The following BNC2 variants were observed in gnomAD, a reference collection of about 807,000 sequenced individuals.
The protein encoded by BNC2 is basonuclin zinc finger protein 2.
In BNC2, 20 loss-of-function variants were observed where a neutral mutation model predicts 76.3. The observed-to-expected ratio is 0.26, with a 90% CI of 0.18 to 0.38. BNC2 has a LOEUF of 0.38. Ranked by LOEUF, BNC2 falls within the 10% of genes least tolerant of loss-of-function variation. The pLI is 1.00. For synonymous variants in BNC2, 582 were observed against 514.8 expected (o/e 1.13, Z -1.77); for missense variants, 1,382 against 1,399.8 (o/e 0.99, Z 0.20).
intron 1 of BNC2, among the ~76,000 whole-genome samples, chr9:16,819,536 G>A (rs1440527313): frequency 6.6e-6 from 1 of 151,966 alleles, no homozygotes; most frequent in African/African-American, 2.4e-5. Flanking sequence ...GGTGGTGTGT[G>A]CCTGTAATTC....
At chr9:16,517,591 AC>A (rs1817478304) in intron 5 of BNC2, among the ~76,000 whole-genome samples, 1 of 152,316 alleles carries the variant, frequency 6.6e-6, no homozygotes, top group East Asian at 1.9e-4. Context: ...ACACAAGTGC[AC>A]ACAAACTTAA....
chr9:16,801,487 C>T (rs1817777303), intron 1 of BNC2, among the ~76,000 whole-genome samples: 2 of 151,750 alleles, frequency 1.3e-5, no homozygotes, highest in Admixed American at 6.6e-5. Context: ...CTACCCACCT[C>T]AGCCTCCCAA....
intron 5 of BNC2, among the ~76,000 whole-genome samples, chr9:16,518,380 G>C (rs944991613): frequency 1.9e-4 from 29 of 151,972 alleles, no homozygotes; most frequent in Admixed American, 1.1e-3. Context: ...GCTGTACTGA[G>C]TACTCCACTG....
chr9:16,543,728 A>G (rs1818392444), intron 5 of BNC2, among the ~76,000 whole-genome samples: 1 of 152,202 alleles, frequency 6.6e-6, no homozygotes, highest in South Asian at 2.1e-4. Context: ...GAGCTTTGGC[A>G]TGGGATTCAA....
chr9:16,767,472 AT>A (rs1199952852), intron 1 of BNC2, among the ~76,000 whole-genome samples: 1 of 151,962 alleles, frequency 6.6e-6, no homozygotes, highest in Non-Finnish European at 1.5e-5. Flanking sequence ...GCCAGGGAGG[AT>A]TTTTTTTGTA....
At chr9:16,454,388 A>G (rs938618119) in intron 5 of BNC2, among the ~76,000 whole-genome samples, 8 of 151,754 alleles carry the variant, frequency 5.3e-5, no homozygotes, top group Admixed American at 1.3e-4. Context: ...CTTCAGCCTG[A>G]CTCCTTGGCT....
chr9:16,457,142 T>G (rs1371876965), intron 5 of BNC2, among the ~76,000 whole-genome samples: 1 of 152,216 alleles, frequency 6.6e-6, no homozygotes, highest in Non-Finnish European at 1.5e-5. Context: ...CTGATTACAT[T>G]ATATTCCAAA....
At chr9:16,654,555 A>G (rs1327580727) in intron 3 of BNC2, among the ~76,000 whole-genome samples, 1 of 152,208 alleles carries the variant, frequency 6.6e-6, no homozygotes, top group Non-Finnish European at 1.5e-5. Flanking sequence ...TTATTTGAAC[A>G]GCCATTAAAC....
intron 1 of BNC2, among the ~76,000 whole-genome samples, chr9:16,776,180 C>T (rs1432979577): frequency 6.7e-6 from 1 of 148,474 alleles, no homozygotes; most frequent in Non-Finnish European, 1.5e-5. Context: ...GCTCTTGTCG[C>T]CCAGGCTGGA....
At chr9:16,855,074 AAT>A (rs1189556048) in intron 1 of BNC2, among the ~76,000 whole-genome samples, 2 of 152,028 alleles carry the variant, frequency 1.3e-5, no homozygotes, top group Admixed American at 1.3e-4. Flanking sequence ...TAATCATTTC[AAT>A]ATGAGTACAT....
chr9:16,804,266 T>C (rs928244520), intron 1 of BNC2, among the ~76,000 whole-genome samples: 10 of 152,344 alleles, frequency 6.6e-5, no homozygotes, highest in African/African-American at 2.2e-4. Flanking sequence ...CGGCTAACTG[T>C]TCTAAATATT....
At chr9:16,785,231 A>C (rs1826253785) in intron 1 of BNC2, among the ~76,000 whole-genome samples, 1 of 152,214 alleles carries the variant, frequency 6.6e-6, no homozygotes. Flanking sequence ...CAAGCCTTAA[A>C]GTATCCCACT....
intron 1 of BNC2, among the ~76,000 whole-genome samples, chr9:16,782,878 G>A (rs555230470): frequency 6.6e-6 from 1 of 152,282 alleles, no homozygotes; most frequent in South Asian, 2.1e-4. Context: ...ATGTATTAAT[G>A]AATGAGTGAG....
chr9:16,498,704 AC>A (rs1175450595), intron 5 of BNC2, among the ~76,000 whole-genome samples: 3 of 151,086 alleles, frequency 2.0e-5, no homozygotes, highest in Admixed American at 1.3e-4. Flanking sequence ...AAAAAAAAAG[AC>A]CCCCAAAAAA....
intron 1 of BNC2, among the ~76,000 whole-genome samples, chr9:16,766,986 C>T (rs1354680128): frequency 6.6e-6 from 1 of 152,208 alleles, no homozygotes; most frequent in East Asian, 1.9e-4. Flanking sequence ...TTTTTAAAGT[C>T]ACCATTAAGA....
At chr9:16,558,933 CAAAAAA>C (rs574756487) in intron 4 of BNC2, among the ~76,000 whole-genome samples, 1 of 81,212 alleles carries the variant, frequency 1.2e-5, no homozygotes, top group Non-Finnish European at 2.6e-5. Context: ...GACTCCGTCT[CAAAAAA>C]AAAAAAAAAA....
chr9:16,696,493 G>C (rs1290750230), intron 3 of BNC2, among the ~76,000 whole-genome samples: 2 of 151,914 alleles, frequency 1.3e-5, no homozygotes, highest in Non-Finnish European at 2.9e-5. Flanking sequence ...TGATACCTTT[G>C]GATGAAAGGG....
At chr9:16,701,800 G>A (rs1237291307) in intron 3 of BNC2, among the ~76,000 whole-genome samples, 1 of 151,968 alleles carries the variant, frequency 6.6e-6, no homozygotes, top group African/African-American at 2.4e-5. Context: ...AAATTAGCCA[G>A]GCGTGGTGGC....
chr9:16,706,920 A>T (rs1310736268), intron 3 of BNC2, among the ~76,000 whole-genome samples: 1 of 152,232 alleles, frequency 6.6e-6, no homozygotes, highest in Non-Finnish European at 1.5e-5. Flanking sequence ...TACAGCAAGA[A>T]GGCTGGGCGC....
Sources: allele counts gnomAD v4.1 joint callset (sites outside exome capture counted in the v4.1 genomes callset), GRCh38; gene constraint gnomAD v4.1.1; transcripts MANE v1.5; gene names NCBI Gene and HGNC (gene_info 2026-07-23, HGNC 2026-07-21).